The following GET4 variants were observed in gnomAD, a reference collection of about 807,000 sequenced individuals.
GET4 encodes the protein guided entry of tail-anchored proteins factor 4, also known as Golgi to ER traffic protein 4 homolog.
Under a neutral mutation model 40.0 loss-of-function variants are expected in GET4, and 20 were observed. The observed-to-expected ratio is 0.50, with a 90% CI of 0.35 to 0.73. The LOEUF (loss-of-function observed/expected upper bound fraction) is 0.73. Among genes scored for constraint, GET4 ranks in the 30% least tolerant of loss-of-function variants. The pLI, the probability that GET4 is intolerant of heterozygous loss-of-function variation, is 0.01. For synonymous variants in GET4, 280 were observed against 194.6 expected (o/e 1.44, Z -3.65); for missense variants, 557 against 454.0 (o/e 1.23, Z -2.06).
rs995038915 is a variant in GET4 at position 892,308 on chromosome 7, A to G, written c.636A>G (p.Ala212=). The stretch of plus-strand genomic sequence containing the variant: ...TCTGTTTAAAAAACAAAAGTAGCGC[A>G]TCGGTGGTCTTCACGACGTACACCC... ...QFLCLKNKSS[A]SVVFTTYTQK... The change falls in exon 6 of 9, where the codon GCA becomes GCG. Residue 212 remains alanine (A), a synonymous_variant. Transcript: ENST00000265857. 4.4e-6 allele frequency: 7 copies of G among 1,592,366 alleles called. No individual in the cohort carries two copies. Among genetic ancestry groups the G allele is most frequent in the Non-Finnish European group, 5.2e-6 (6 of 1,161,770 alleles).
intron 4 of GET4, among the ~76,000 whole-genome samples, chr7:887,974 C>T (rs1482051514): frequency 6.6e-6 from 1 of 152,086 alleles, no homozygotes. Context: ...TCCAGGTCTG[C>T]AGCTCTGAGG....
At chr7:882,446 TAG>T (rs1268082959) in intron 1 of GET4, 4 of 152,286 alleles carry the variant, frequency 2.6e-5, no homozygotes, top group African/African-American at 9.7e-5. Context: ...GTGGTTACGC[TAG>T]AGAGAAACTG....
At chr7:884,142 A>G in intron 1 of GET4, 1 of 1,270,042 alleles carries the variant, frequency 7.9e-7, no homozygotes, top group Non-Finnish European at 1.0e-6. Flanking sequence ...AGATAGAAGC[A>G]TCCAGAACGC....
chr7:877,441 G>A (rs1402113799), intron 1 of GET4, among the ~76,000 whole-genome samples: 1 of 61,384 alleles, frequency 1.6e-5, no homozygotes, highest in Non-Finnish European at 3.1e-5. Context: ...CCTCACTCCC[G>A]TCTCTCTACC....
intron 6 of GET4, 95 bp downstream of exon 6, chr7:892,513 T>A: frequency 7.3e-7 from 1 of 1,370,346 alleles, no homozygotes; most frequent in Non-Finnish European, 1.0e-6. Context: ...TGTGCAAGTG[T>A]AGCCATGGTG....
At chr7:894,877 C>T (rs1055336495) in intron 8 of GET4, among the ~76,000 whole-genome samples, 13 of 152,318 alleles carry the variant, frequency 8.5e-5, no homozygotes, top group Admixed American at 5.2e-4. Context: ...CGCAGTTGGC[C>T]CCTGTGGGAG....
chr7:891,159 G>A, intron 5 of GET4, 93 bp downstream of exon 5: 1 of 996,730 alleles, frequency 1.0e-6, no homozygotes, highest in South Asian at 1.6e-5. Flanking sequence ...TCCGAGCCGA[G>A]CTGCAGGATA....
At chr7:893,402 G>A (rs866481204) in intron 6 of GET4, among the ~76,000 whole-genome samples, 5 of 134,674 alleles carry the variant, frequency 3.7e-5, no homozygotes, top group Admixed American at 2.3e-4. Context: ...TTGGGCGTGG[G>A]CGCGGTGGTG....
In GET4 at chr7:893,884, G is replaced by A. The variant is rs1277015423; in HGVS notation, c.823-15G>A. 1 of 1,612,342 alleles carries A rather than the reference G, an allele frequency of 6.2e-7. No individual in the cohort carries two copies. Among genetic ancestry groups the A allele is most frequent in the Admixed American group, 1.7e-5 (1 of 59,898 alleles). ...TGGGTCCACCCCCTCTGAGCCCGCT[G>A]CCTGTGCCTTGCAGTACCTCGACCG... On this transcript the variant is annotated splice_polypyrimidine_tract_variant and intron_variant, in intron 7 of 8. Transcript: ENST00000265857.
chr7:884,322 C>T (rs1389470357), intron 1 of GET4: 1 of 1,303,990 alleles, frequency 7.7e-7, no homozygotes, highest in Admixed American at 2.3e-5. Context: ...CAGTCATGTC[C>T]CTGCAGGACT....
intron 4 of GET4, among the ~76,000 whole-genome samples, chr7:890,013 T>C (rs374886931): frequency 0.01 from 30 of 2,998 alleles, no homozygotes; most frequent in African/African-American, 0.029. Context: ...GAGCGGGTGT[T>C]AGGACGGGGT....
chr7:876,611 G>C lies in GET4; in HGVS notation c.-35G>C. The C allele has an allele frequency of 1.7e-6, 2 of 1,169,498 alleles. No homozygotes were observed. The highest frequency in any genetic ancestry group is 3.5e-4 in the Middle Eastern group (1 of 2,854). 72.4% of individuals were successfully genotyped at this position (1,169,498 alleles called of 1,614,324 possible). ...CCGGGAGGCGCTGCCGACCGCGCCT[G>C]CGACAGCGTCAGCCCTGCGCGGAGC... is the stretch of plus-strand genomic sequence containing the variant. On this transcript the variant is annotated 5_prime_UTR_variant, in exon 1 of 9. Transcript: ENST00000265857.
intron 1 of GET4, among the ~76,000 whole-genome samples, chr7:879,461 C>T (rs895580879): frequency 3.9e-5 from 6 of 152,186 alleles, no homozygotes; most frequent in Admixed American, 3.3e-4. Context: ...GGGATGAGGT[C>T]CTGGCATCTG....
At chr7:879,855 C>G (rs1456582016) in intron 1 of GET4, 1 of 152,226 alleles carries the variant, frequency 6.6e-6, no homozygotes, top group Admixed American at 6.5e-5. Flanking sequence ...TCCCAAATGG[C>G]ACGGGTTGTG....
intron 1 of GET4, among the ~76,000 whole-genome samples, chr7:877,604 G>A (rs1441003759): frequency 6.5e-4 from 77 of 119,102 alleles, no homozygotes; most frequent in African/African-American, 2.5e-3. Flanking sequence ...CACCTCCCCT[G>A]GACCTCCCCC....
chr7:887,996 C>G (rs1419986694), intron 4 of GET4, among the ~76,000 whole-genome samples: 1 of 152,100 alleles, frequency 6.6e-6, no homozygotes, highest in Non-Finnish European at 1.5e-5. Flanking sequence ...GGGAGTGGTG[C>G]TGGGTAGATA....
chr7:889,297 G>A lies in GET4; in HGVS notation c.467-1631G>A, dbSNP rs772024439. On this transcript the variant is annotated intron_variant, in intron 4 of 8. Coordinates refer to ENST00000265857, the MANE Select transcript of GET4 (RefSeq NM_015949.3). Reference sequence around the variant, plus strand: ...CCCGGGGAGCCCAGGCCTGCTCCACGGCAAGGTGGCCACGCACTGCCTCTG... The same window carrying A: ...CCCGGGGAGCCCAGGCCTGCTCCACAGCAAGGTGGCCACGCACTGCCTCTG... 4.6e-5 allele frequency among the ~76,000 whole-genome samples: 7 copies of A among 152,244 alleles called. No individual in the cohort carries two copies. In the East Asian group the frequency reaches 5.8e-4, roughly 13 times the overall value.
rs991305561 is a variant in GET4 at position 895,570 on chromosome 7, G to C, written c.*148G>C. On this transcript the variant is annotated 3_prime_UTR_variant, in exon 9 of 9. Coordinates refer to ENST00000265857, the MANE Select transcript of GET4 (RefSeq NM_015949.3). ...CGGCGCGTGTCTGTTTCTGTGCGGC[G>C]GCTCAGGGTGGCGCGGCTGCTGCTC... is the stretch of plus-strand genomic sequence containing the variant. The C allele has an allele frequency of 5.9e-6, 3 of 512,294 alleles. No homozygotes were observed. The highest frequency in any genetic ancestry group is 2.5e-5 in the South Asian group (1 of 39,248). The allele number at this position is 512,294 out of a possible 1,614,324, so 31.7% of individuals were successfully genotyped here.
At chr7:891,137 C>G (rs915033412) in intron 5 of GET4, 71 bp downstream of exon 5, 10 of 1,248,938 alleles carry the variant, frequency 8.0e-6, no homozygotes, top group Non-Finnish European at 1.1e-5. Context: ...GAACAGGTCC[C>G]CTTGTCCCCT....
Sources: allele counts gnomAD v4.1 joint callset (sites outside exome capture counted in the v4.1 genomes callset), GRCh38; gene constraint gnomAD v4.1.1; transcripts MANE v1.5; gene names NCBI Gene and HGNC (gene_info 2026-07-23, HGNC 2026-07-21).